Variants in SLC41A3 observed in about 807,000 individuals in gnomAD.
The protein encoded by SLC41A3 is solute carrier family 41 member 3, also known as SLC41A1-like 2.
In SLC41A3, 44 loss-of-function variants were observed where a neutral mutation model predicts 45.4. The ratio of observed to expected loss-of-function variants is 0.97; its 90% CI spans 0.76 to 1.25. The LOEUF is 1.25. Among genes scored for constraint, SLC41A3 ranks in the 50% most tolerant of loss-of-function variants. SLC41A3 has a pLI of 0.00. For missense variants in SLC41A3, 550 were observed against 600.6 expected (o/e 0.92, Z 0.88); for synonymous variants, 256 against 252.4 (o/e 1.01, Z -0.13).
At chr3:126,077,523 T>A (rs1446268430) in intron 1 of SLC41A3, among the ~76,000 whole-genome samples, 1 of 152,216 alleles carries the variant, frequency 6.6e-6, no homozygotes, top group Non-Finnish European at 1.5e-5. Context: ...CTGTTTTTTT[T>A]AATCCATGTT....
chr3:126,038,393 G>A (rs1229493898), intron 3 of SLC41A3, among the ~76,000 whole-genome samples: 1 of 152,228 alleles, frequency 6.6e-6, no homozygotes, highest in Non-Finnish European at 1.5e-5. Context: ...CACAGAGGCT[G>A]CACCCTGGAA....
chr3:126,040,815 G>C (rs1264203955), intron 3 of SLC41A3, among the ~76,000 whole-genome samples: 1 of 152,068 alleles, frequency 6.6e-6, no homozygotes, highest in African/African-American at 2.4e-5. Flanking sequence ...AGATCTACGA[G>C]GTAAGTGTAA....
At chr3:126,100,842 C>T (rs553774353) in intron 1 of SLC41A3, among the ~76,000 whole-genome samples, 1 of 152,318 alleles carries the variant, frequency 6.6e-6, no homozygotes, top group South Asian at 2.1e-4. Context: ...GATACAACCA[C>T]ACTCCGGGTT....
In SLC41A3 at chr3:126,026,302, C is replaced by T. The variant is rs187091549; in HGVS notation, c.598+33G>A. The T allele has an allele frequency of 1.7e-5, 27 of 1,551,508 alleles. No homozygotes were observed. Among genetic ancestry groups the T allele is most frequent in the African/African-American group, 6.8e-5 (5 of 73,244 alleles). On this transcript the variant is annotated intron_variant, in intron 5 of 10. Coordinates refer to ENST00000360370, the MANE Select transcript of SLC41A3 (RefSeq NM_017836.4). The surrounding 1 kb of genome is among the most constrained non-coding windows in gnomAD (Gnocchi z 4.2). ...GGTGGGACCTCAGAGGAGCAGGGAG[C>T]GGGTGGGGGCTCACAGCTGGGGCAT...
At chr3:126,007,522 G>A (rs1451146553) in intron 10 of SLC41A3, among the ~76,000 whole-genome samples, 2 of 152,182 alleles carry the variant, frequency 1.3e-5, no homozygotes, top group Non-Finnish European at 2.9e-5. Context: ...TGCTGCGATA[G>A]GCTCTACTCA....
chr3:126,024,518 A>G (rs1334993011), intron 5 of SLC41A3: 1 of 152,154 alleles, frequency 6.6e-6, no homozygotes, highest in African/African-American at 2.4e-5. Flanking sequence ...TGGTTTGTAA[A>G]CCTGCAGCCT....
At chr3:126,065,249 C>T (rs1170082499) in intron 2 of SLC41A3, among the ~76,000 whole-genome samples, 1 of 152,252 alleles carries the variant, frequency 6.6e-6, no homozygotes, top group Non-Finnish European at 1.5e-5. Flanking sequence ...CCAGCCATAC[C>T]ATGCCTGCCC....
At chr3:126,095,307 G>A (rs1165331293) in intron 1 of SLC41A3, 1 of 654,350 alleles carries the variant, frequency 1.5e-6, no homozygotes, top group Non-Finnish European at 2.8e-6. Context: ...CCGTGTTGAG[G>A]CTGATGCTCA....
In SLC41A3 at chr3:126,008,848, A is replaced by G. The variant is rs1939408175; in HGVS notation, c.1138T>C (p.Leu380=). 1.9e-6 allele frequency: 3 copies of G among 1,614,086 alleles called. No individual in the cohort carries two copies. Among genetic ancestry groups the G allele is most frequent in the Admixed American group, 3.3e-5 (2 of 60,006 alleles). Residue 380 remains leucine, a synonymous_variant, in exon 10 of 11, where the codon TTG becomes CTG. Coordinates refer to ENST00000360370, the MANE Select transcript of SLC41A3 (RefSeq NM_017836.4). ...ATCAGATGGCCTGGGACCACCAGCA[A>G]GAGCAGGACTCGAGCTGACATGGAA... ...INSMSARVLL[L]LVVPGHLIFF... is the part of the protein sequence containing the mutation.
In SLC41A3 at chr3:126,097,734, A is replaced by G. The variant is rs145037306; in HGVS notation, c.-79+3695T>C. Among the ~76,000 whole-genome samples, 654 of 152,326 alleles carry G rather than the reference A, an allele frequency of 4.3e-3. 2 individuals carry two copies. Among genetic ancestry groups the G allele is most frequent in the Middle Eastern group, 6.8e-3 (2 of 294 alleles). On this transcript the variant is annotated intron_variant, in intron 1 of 9. Coordinates refer to the SLC41A3 transcript ENST00000508835. The stretch of plus-strand genomic sequence containing the variant: ...AAATAAACTGGCAAAGTAAAATGAC[A>G]AACAGCAACCAGCAGCTGGCCTCAG...
chr3:126,100,714 T>C (rs938321725), intron 1 of SLC41A3, among the ~76,000 whole-genome samples: 10 of 152,238 alleles, frequency 6.6e-5, no homozygotes, highest in African/African-American at 2.4e-4. Context: ...TTCTGGCATC[T>C]GGACACCGTG....
At chr3:126,052,529 G>C (rs1297216117) in intron 2 of SLC41A3, among the ~76,000 whole-genome samples, 1 of 152,180 alleles carries the variant, frequency 6.6e-6, no homozygotes, top group Non-Finnish European at 1.5e-5. Context: ...CTCTGAACAA[G>C]TGCCTGTTCT....
intron 2 of SLC41A3, among the ~76,000 whole-genome samples, chr3:126,066,080 C>G (rs919420280): frequency 6.6e-6 from 1 of 152,214 alleles, no homozygotes; most frequent in Non-Finnish European, 1.5e-5. Context: ...CCAACAGAAG[C>G]AAGGCCATGC....
In SLC41A3 at chr3:126,007,097, T is replaced by C. The variant is rs763659478; in HGVS notation, c.1383A>G (p.Ala461=). ...LGDLLGTGLL[A]LCFFTDWLLK... Reference sequence around the variant, plus strand: ...GTAGCCAGTCAGTGAAAAAGCAGAGTGCCAGGAGGCCAGTACCGAGCAGGT... The same window carrying C: ...GTAGCCAGTCAGTGAAAAAGCAGAGCGCCAGGAGGCCAGTACCGAGCAGGT... The change falls in exon 11 of 11, where the codon GCA becomes GCG. Residue 461 remains alanine, a synonymous_variant. Transcript: ENST00000360370. 1.9e-6 allele frequency: 3 copies of C among 1,614,008 alleles called. No individual in the cohort carries two copies. Among genetic ancestry groups the C allele is most frequent in the Non-Finnish European group, 2.5e-6 (3 of 1,179,996 alleles).
intron 2 of SLC41A3, among the ~76,000 whole-genome samples, chr3:126,061,383 T>TTGCCTCCCC (rs1944058640): frequency 6.6e-6 from 1 of 152,158 alleles, no homozygotes; most frequent in African/African-American, 2.4e-5. Context: ...GCAGCCTCTC[T>TTGCCTCCCC]TGCCTCCCCT....
intron 2 of SLC41A3, chr3:126,056,744 T>A (rs1313891180): frequency 1.4e-6 from 2 of 1,417,662 alleles, no homozygotes; most frequent in Non-Finnish European, 1.8e-6. Context: ...CACAGATGAG[T>A]GAGGAACAAA....
Position 126,076,643 on chromosome 3 carries a change from T to G in SLC41A3, c.-28+7450A>C, listed in dbSNP as rs1346988830. On this transcript the variant is annotated intron_variant, in intron 1 of 10. Coordinates refer to ENST00000360370, the MANE Select transcript of SLC41A3 (RefSeq NM_017836.4). The stretch of plus-strand genomic sequence containing the variant: ...CCCACTAAGTTCAAGAAGCAAAGCA[T>G]GACCAGCCTCTCCACTCTGAGCCCC... Among the ~76,000 whole-genome samples, 4 of 152,226 alleles carry G rather than the reference T, an allele frequency of 2.6e-5. No homozygotes were observed. The East Asian group carries it at 7.7e-4, about 29-fold the overall frequency.
chr3:126,056,445 G>T (rs1576323939), intron 2 of SLC41A3: 1 of 1,614,224 alleles, frequency 6.2e-7, no homozygotes. Flanking sequence ...TGATGGTGAA[G>T]AAAGATTCAG....
chr3:126,033,983 C>T (rs1485506093), intron 3 of SLC41A3, among the ~76,000 whole-genome samples: 4 of 151,984 alleles, frequency 2.6e-5, no homozygotes, highest in African/African-American at 2.4e-5. Context: ...CAGGCACACA[C>T]AGCCACACAA....
Sources: allele counts gnomAD v4.1 joint callset (sites outside exome capture counted in the v4.1 genomes callset), GRCh38; gene constraint gnomAD v4.1.1; non-coding constraint Gnocchi (gnomAD v3.1); transcripts MANE v1.5; gene names NCBI Gene and HGNC (gene_info 2026-07-23, HGNC 2026-07-21).